The following GLE1 variants were observed in gnomAD, a reference collection of about 807,000 sequenced individuals.
The protein encoded by GLE1 is mRNA export factor GLE1.
GLE1 carries 78 observed loss-of-function variants against 97.3 expected under a neutral mutation model. The ratio of observed to expected loss-of-function variants is 0.80; its 90% CI spans 0.67 to 0.97. GLE1 has a LOEUF of 0.97. Among genes scored for constraint, GLE1 ranks in the 50% least tolerant of loss-of-function variants. The pLI is 0.00. For synonymous variants in GLE1, 302 were observed against 313.4 expected (o/e 0.96, Z 0.39); for missense variants, 753 against 857.5 (o/e 0.88, Z 1.52).
intron 3 of GLE1, among the ~76,000 whole-genome samples, chr9:128,518,836 C>A (rs1381115879): frequency 6.6e-6 from 1 of 151,224 alleles, no homozygotes; most frequent in Non-Finnish European, 1.5e-5. Flanking sequence ...CCACTACACT[C>A]CAGCCTGGGC....
intron 6 of GLE1, among the ~76,000 whole-genome samples, chr9:128,524,661 C>T (rs569901006): frequency 7.0e-5 from 10 of 143,544 alleles, no homozygotes; most frequent in African/African-American, 2.1e-4. Flanking sequence ...AAGCGATTCT[C>T]GGATTACTTG....
chr9:128,540,948 T>C, intron 15 of GLE1, 154 bp from the exon 16 acceptor site: 2 of 664,610 alleles, frequency 3.0e-6, no homozygotes, highest in East Asian at 5.4e-5. Context: ...GTGGACATCT[T>C]ATACAGAACC....
At chr9:128,531,982 GGA>G (rs1847526541) in intron 9 of GLE1, among the ~76,000 whole-genome samples, 1 of 151,836 alleles carries the variant, frequency 6.6e-6, no homozygotes, top group African/African-American at 2.4e-5. Context: ...AGAGAGGTAT[GGA>G]GAGAGGCTAG....
Position 128,542,077 on chromosome 9 carries a change from G to C in GLE1, c.*907G>C, listed in dbSNP as rs55823126. 0.058 allele frequency: 8,830 copies of C among 152,232 alleles called. 373 individuals are homozygous for C. Among genetic ancestry groups the C allele is most frequent in the Non-Finnish European group, 0.089 (6,020 of 68,000 alleles). The allele number at this position is 152,232 out of a possible 1,614,324, so 9.4% of individuals were successfully genotyped here. A position where few individuals can be genotyped will look rare whatever the true frequency, so the allele number is the denominator to read the frequency against. The stretch of plus-strand genomic sequence containing the variant: ...CACTACAGAAATCCAGAGATTGGCT[G>C]TTAAAATTTGTTTTGTGGAAAGACT... On this transcript the variant is annotated 3_prime_UTR_variant, in exon 16 of 16. Transcript: ENST00000309971.
chr9:128,510,051 T>G (rs528086930), intron 2 of GLE1, among the ~76,000 whole-genome samples: 1 of 152,086 alleles, frequency 6.6e-6, no homozygotes, highest in Non-Finnish European at 1.5e-5. Flanking sequence ...TGAACATGTC[T>G]TCTTCTTCAC....
At chr9:128,533,433 A>G in intron 9 of GLE1, 80 bp from the exon 10 acceptor site, 68 of 789,226 alleles carry the variant, frequency 8.6e-5, no homozygotes, top group Non-Finnish European at 1.0e-4. Flanking sequence ...GTCTCAAAAA[A>G]AAAAAAAAAA....
chr9:128,512,052 T>C (rs942669773), intron 2 of GLE1, among the ~76,000 whole-genome samples: 2 of 152,132 alleles, frequency 1.3e-5, no homozygotes, highest in African/African-American at 4.8e-5. Context: ...TCAGGTGATC[T>C]GCCCAACTTG....
intron 1 of GLE1, among the ~76,000 whole-genome samples, chr9:128,507,103 G>A (rs1250899861): frequency 1.3e-5 from 2 of 152,048 alleles, no homozygotes; most frequent in African/African-American, 4.8e-5. Context: ...GGTTTCCTTT[G>A]ATTTAAAATT....
chr9:128,541,082 C>T lies in GLE1; in HGVS notation c.2029-20C>T, dbSNP rs374708625. 298 of 1,412,746 alleles carry T rather than the reference C, an allele frequency of 2.1e-4. No homozygotes were observed. The highest frequency in any genetic ancestry group is 4.3e-4 in the Admixed American group (26 of 59,796). The allele number at this position is 1,412,746 out of a possible 1,614,324, so 87.5% of individuals were successfully genotyped here. A position where few individuals can be genotyped will look rare whatever the true frequency, so the allele number is the denominator to read the frequency against. On this transcript the variant is annotated intron_variant, in intron 15 of 15. Transcript: ENST00000309971. The stretch of plus-strand genomic sequence containing the variant: ...TGTTATCAGAAACTCATTCTGTTTT[C>T]TTCATCTTTCCCTGACCAGAAATGT...
At position 128,523,815 on chromosome 9, in the gene GLE1, T is replaced by G; in HGVS notation, c.866T>G (p.Leu289Arg). 1 of 1,614,024 alleles carries G rather than the reference T, an allele frequency of 6.2e-7. No individual in the cohort carries two copies. The highest frequency in any genetic ancestry group is 8.5e-7 in the Non-Finnish European group (1 of 1,180,006). ...FQTRGNQLCS[L>R]ISGIIRASSE... is the part of the protein sequence containing the mutation. ...ACCCGAGGCAACCAGCTGTGCAGCCTCATCTCAGGGATCATCCGGGCCTCT... is the reference window on the plus strand; with the variant it reads ...ACCCGAGGCAACCAGCTGTGCAGCCGCATCTCAGGGATCATCCGGGCCTCT... The change falls in exon 6 of 16, where the codon CTC (leucine) becomes CGC (arginine). Residue 289 changes from leucine to arginine, a missense_variant. Leu to Arg is a moderately radical substitution (Grantham distance 102). Coordinates refer to ENST00000309971, the MANE Select transcript of GLE1 (RefSeq NM_001003722.2).
At chr9:128,538,164 G>T in intron 13 of GLE1, 74 bp downstream of exon 13, 1 of 797,224 alleles carries the variant, frequency 1.3e-6, no homozygotes, top group East Asian at 2.5e-5. Context: ...GACATGAATG[G>T]GGAAACAGCA....
At chr9:128,508,270 C>T (rs1044051333) in intron 1 of GLE1, among the ~76,000 whole-genome samples, 4 of 150,614 alleles carry the variant, frequency 2.7e-5, no homozygotes, top group Non-Finnish European at 4.4e-5. Flanking sequence ...AATATAGTGG[C>T]GCATGCCTGT....
intron 9 of GLE1, 148 bp from the exon 10 acceptor site, chr9:128,533,365 G>A (rs1847581349): frequency 1.6e-6 from 1 of 636,268 alleles, no homozygotes; most frequent in Non-Finnish European, 2.7e-6. Flanking sequence ...GGGAGACGGA[G>A]GTTGCAGTGA....
intron 3 of GLE1, among the ~76,000 whole-genome samples, chr9:128,520,320 GTA>G (rs1488526126): frequency 6.8e-6 from 1 of 148,008 alleles, no homozygotes; most frequent in Admixed American, 6.8e-5. Context: ...GTGTATATAT[GTA>G]TATGTGTGTA....
chr9:128,529,693 T>TCTCTCTCC (rs147677145), intron 9 of GLE1, among the ~76,000 whole-genome samples: 3 of 151,682 alleles, frequency 2.0e-5, no homozygotes, highest in African/African-American at 4.8e-5. Context: ...CTTTCCTCTC[T>TCTCTCTCC]CTCTCTCCCT....
At chr9:128,505,898 T>C (rs1441801631) in intron 1 of GLE1, among the ~76,000 whole-genome samples, 2 of 152,230 alleles carry the variant, frequency 1.3e-5, no homozygotes, top group African/African-American at 2.4e-5. Context: ...CCAGATCCTG[T>C]TTCTTTATAT....
Position 128,527,251 on chromosome 9 carries a change from T to A in GLE1, c.1202T>A (p.Val401Glu). 1 of 1,611,450 alleles carries A rather than the reference T, an allele frequency of 6.2e-7. No individual in the cohort carries two copies. Among genetic ancestry groups the A allele is most frequent in the Non-Finnish European group, 8.5e-7 (1 of 1,177,546 alleles). ...CTGCAGGATGCTTCCATGCAGTGTG[T>A]GTTGACCTTTGAGGGCCTGACCAAC... ...QQLQDASMQC[V>E]LTFEGLTNSK... Residue 401 changes from valine to glutamate, a missense_variant, in exon 8 of 16, where the codon GTG becomes GAG. Transcript: ENST00000309971.
chr9:128,522,152 A>G (rs1252674756), intron 3 of GLE1, among the ~76,000 whole-genome samples: 2 of 152,208 alleles, frequency 1.3e-5, no homozygotes, highest in Admixed American at 6.5e-5. Context: ...TCCGTTCCCA[A>G]CTTGTACTGG....
At chr9:128,519,425 C>T (rs1006241488) in intron 3 of GLE1, among the ~76,000 whole-genome samples, 17 of 152,170 alleles carry the variant, frequency 1.1e-4, no homozygotes, top group Non-Finnish European at 2.4e-4. Context: ...GGGGGTAGGT[C>T]TATAGATGGC....
Sources: allele counts gnomAD v4.1 joint callset (sites outside exome capture counted in the v4.1 genomes callset), GRCh38; gene constraint gnomAD v4.1.1; transcripts MANE v1.5; gene names NCBI Gene and HGNC (gene_info 2026-07-23, HGNC 2026-07-21).